BBX: variants seen among roughly 807,000 people sequenced by gnomAD.
The protein encoded by BBX is HMG box transcription factor BBX.
A neutral mutation model predicts 100.2 loss-of-function variants in BBX; 30 were observed. The ratio of observed to expected loss-of-function variants is 0.30; its 90% CI spans 0.22 to 0.41. The LOEUF is 0.41. Among genes scored for constraint, BBX ranks in the 10% least tolerant of loss-of-function variants. BBX has a pLI of 1.00. For synonymous variants in BBX, 376 were observed against 388.1 expected (o/e 0.97, Z 0.37); for missense variants, 1,023 against 1,129.8 (o/e 0.91, Z 1.35).
At chr3:107,695,415 CA>C (rs1387775380) in intron 3 of BBX, among the ~76,000 whole-genome samples, 3 of 136,190 alleles carry the variant, frequency 2.2e-5, no homozygotes, top group Non-Finnish European at 3.1e-5. Flanking sequence ...TCATTGGTTT[CA>C]AAGAACATCT....
At chr3:107,599,881 T>C (rs1186378636) in intron 2 of BBX, among the ~76,000 whole-genome samples, 1 of 150,660 alleles carries the variant, frequency 6.6e-6, no homozygotes, top group East Asian at 2.0e-4. Flanking sequence ...ATGATGATTT[T>C]TAATACGTCT....
At chr3:107,592,048 A>G (rs1431920156) in intron 2 of BBX, among the ~76,000 whole-genome samples, 3 of 152,216 alleles carry the variant, frequency 2.0e-5, no homozygotes, top group South Asian at 4.1e-4. Context: ...GTAGTTAGCT[A>G]TGACTGTGGC....
chr3:107,751,769 A>G (rs1182748583), intron 9 of BBX, among the ~76,000 whole-genome samples: 1 of 152,114 alleles, frequency 6.6e-6, no homozygotes, highest in Non-Finnish European at 1.5e-5. Flanking sequence ...ACCACCCCCA[A>G]TTTCAGCCTG....
intron 3 of BBX, among the ~76,000 whole-genome samples, chr3:107,651,058 A>G (rs1024061309): frequency 6.6e-6 from 1 of 152,162 alleles, no homozygotes; most frequent in African/African-American, 2.4e-5. Context: ...GGCCCCACCC[A>G]TATGACCTTG....
Position 107,782,839 on chromosome 3 carries a change from TC to T in BBX, c.2203+4321del, listed in dbSNP as rs1559720931. 2.0e-5 allele frequency among the ~76,000 whole-genome samples: 3 copies of T among 152,092 alleles called. No individual in the cohort carries two copies. The East Asian group carries it at 5.8e-4, about 29-fold the overall frequency. ...ATACCAGCAATGAGTGATTTTTTTT[TC>T]ATAAGGAAGCTGAAGCTGATGCAGA... On this transcript the variant is annotated intron_variant, in intron 13 of 17. Transcript: ENST00000325805.
intron 3 of BBX, among the ~76,000 whole-genome samples, chr3:107,657,338 C>T (rs2058206450): frequency 6.6e-6 from 1 of 152,130 alleles, no homozygotes; most frequent in Non-Finnish European, 1.5e-5. Flanking sequence ...AATGGATACT[C>T]AGTTTTAAGG....
At chr3:107,661,349 G>A (rs1197543464) in intron 3 of BBX, among the ~76,000 whole-genome samples, 2 of 152,056 alleles carry the variant, frequency 1.3e-5, no homozygotes, top group African/African-American at 2.4e-5. Context: ...AAATTTGGGG[G>A]CCTCGATTAT....
intron 6 of BBX, among the ~76,000 whole-genome samples, chr3:107,730,073 C>T (rs2063213327): frequency 1.3e-5 from 2 of 152,066 alleles, no homozygotes; most frequent in South Asian, 2.1e-4. Flanking sequence ...GGCGACAGAG[C>T]AACACCCTGC....
intron 3 of BBX, among the ~76,000 whole-genome samples, chr3:107,682,650 A>C (rs887522983): frequency 3.3e-5 from 5 of 152,164 alleles, no homozygotes; most frequent in African/African-American, 1.2e-4. Context: ...ATTCTTAATT[A>C]AGATATGATA....
At chr3:107,578,052 C>A (rs1346104466) in intron 2 of BBX, among the ~76,000 whole-genome samples, 1 of 152,192 alleles carries the variant, frequency 6.6e-6, no homozygotes, top group South Asian at 2.1e-4. Context: ...AGATAAAGTG[C>A]ATTTTTGCTG....
At chr3:107,661,972 C>CT in intron 3 of BBX, 1 of 896,404 alleles carries the variant, frequency 1.1e-6, no homozygotes, top group Non-Finnish European at 1.3e-6. Flanking sequence ...TGTTAAGTGA[C>CT]TACTGTTCAC....
chr3:107,590,185 A>G (rs1413107069), intron 2 of BBX, among the ~76,000 whole-genome samples: 3 of 152,332 alleles, frequency 2.0e-5, no homozygotes, highest in African/African-American at 7.2e-5. Context: ...ATTTTATAAA[A>G]TAATTACCTG....
chr3:107,592,502 T>A (rs1020800330), intron 2 of BBX, among the ~76,000 whole-genome samples: 3 of 152,038 alleles, frequency 2.0e-5, no homozygotes, highest in African/African-American at 7.2e-5. Context: ...ATCTTAAACG[T>A]CTATTGGAGT....
At chr3:107,615,219 T>G (rs1358130211) in intron 2 of BBX, among the ~76,000 whole-genome samples, 1 of 152,192 alleles carries the variant, frequency 6.6e-6, no homozygotes, top group African/African-American at 2.4e-5. Flanking sequence ...CTTGAGTTAA[T>G]GGTGTTTTAT....
At chr3:107,721,327 A>G (rs1290919684) in intron 5 of BBX, among the ~76,000 whole-genome samples, 1 of 151,456 alleles carries the variant, frequency 6.6e-6, no homozygotes, top group East Asian at 1.9e-4. Flanking sequence ...TATTCCTTGA[A>G]TTTCCTCTCT....
intron 2 of BBX, among the ~76,000 whole-genome samples, chr3:107,575,058 A>G (rs914714305): frequency 6.6e-6 from 1 of 152,232 alleles, no homozygotes; most frequent in Non-Finnish European, 1.5e-5. Flanking sequence ...AGCTGTTTCC[A>G]CCCTTAGAAA....
chr3:107,730,702 C>T (rs1382600393), intron 6 of BBX, among the ~76,000 whole-genome samples: 1 of 152,090 alleles, frequency 6.6e-6, no homozygotes, highest in African/African-American at 2.4e-5. Flanking sequence ...AAAGAAAGTA[C>T]AGGAAAGAAG....
intron 13 of BBX, among the ~76,000 whole-genome samples, chr3:107,784,085 G>T (rs2068174691): frequency 6.6e-6 from 1 of 151,996 alleles, no homozygotes. Flanking sequence ...CATGTGCTAA[G>T]CACCATTGTA....
At chr3:107,636,321 C>T (rs893953357) in intron 2 of BBX, among the ~76,000 whole-genome samples, 2 of 152,098 alleles carry the variant, frequency 1.3e-5, no homozygotes, top group Non-Finnish European at 2.9e-5. Context: ...AAAATCTAAG[C>T]GCCTTTACCA....
Sources: gnomAD v4.1 joint callset for allele counts (sites outside exome capture counted in the v4.1 genomes callset) on GRCh38, gnomAD v4.1.1 for gene constraint, MANE v1.5 for transcripts, NCBI Gene and HGNC (gene_info 2026-07-23, HGNC 2026-07-21) for gene names.